ESRRG: variants seen among roughly 807,000 people sequenced by gnomAD.
ESRRG encodes estrogen related receptor gamma.
Under a neutral mutation model 44.0 loss-of-function variants are expected in ESRRG, and 13 were observed. The observed-to-expected ratio is 0.30, with a 90% CI of 0.19 to 0.47. The LOEUF (loss-of-function observed/expected upper bound fraction) is 0.47. Ranked by LOEUF, ESRRG falls within the 20% of genes least tolerant of loss-of-function variation. ESRRG has a pLI of 1.00. For missense variants in ESRRG, 395 were observed against 580.6 expected (o/e 0.68, Z 3.29); for synonymous variants, 215 against 214.6 (o/e 1.00, Z -0.02).
intron 1 of ESRRG, among the ~76,000 whole-genome samples, chr1:217,130,205 C>T (rs2092945834): frequency 6.6e-6 from 1 of 152,066 alleles, no homozygotes; most frequent in South Asian, 2.1e-4. Context: ...TGGTTTGTCA[C>T]ATTGATAGCA....
chr1:216,923,956 G>A (rs1171388252), intron 2 of ESRRG, among the ~76,000 whole-genome samples: 1 of 152,152 alleles, frequency 6.6e-6, no homozygotes, highest in Non-Finnish European at 1.5e-5. Flanking sequence ...GAGCAAAGAA[G>A]GTAGACAATG....
intron 2 of ESRRG, among the ~76,000 whole-genome samples, chr1:216,846,967 A>C (rs536920057): frequency 6.6e-6 from 1 of 152,234 alleles, no homozygotes; most frequent in African/African-American, 2.4e-5. Context: ...CTAAACTAAG[A>C]AAAGACAATT....
At chr1:216,659,876 C>A (rs755845914) in intron 2 of ESRRG, among the ~76,000 whole-genome samples, 28 of 152,152 alleles carry the variant, frequency 1.8e-4, no homozygotes, top group Non-Finnish European at 4.4e-5. Context: ...GCGTCTTACT[C>A]CTTTCAGAAT....
At position 216,677,259 on chromosome 1, in the gene ESRRG, C is replaced by G; in HGVS notation, c.289G>C (p.Val97Leu). The change falls in exon 2 of 7, where the codon GTC becomes CTC. Residue 97 changes from valine (V) to leucine (L), a missense_variant. Around this residue, in one of 5 missense-constraint regions of ESRRG, gnomAD observed 148 missense variants for 150.4 expected, o/e 0.98. Transcript: ENST00000408911. The part of the protein sequence containing the change: ...SAPILGGSGP[V>L]RKLYDDCSST... Reference sequence around the variant, plus strand: ...GAGCAGTCATCATACAGTTTCCTGACAGGCCCACTACCTCCCAGGATAGGA... The same window carrying G: ...GAGCAGTCATCATACAGTTTCCTGAGAGGCCCACTACCTCCCAGGATAGGA... The G allele has an allele frequency of 1.2e-6, 2 of 1,614,118 alleles. No individual in the cohort carries two copies. The highest frequency in any genetic ancestry group is 1.7e-6 in the Non-Finnish European group (2 of 1,180,032).
chr1:217,112,956 G>A (rs2092676486), intron 1 of ESRRG, among the ~76,000 whole-genome samples: 1 of 152,140 alleles, frequency 6.6e-6, no homozygotes, highest in African/African-American at 2.4e-5. Flanking sequence ...AGACAGATAA[G>A]GATGTATCTT....
chr1:217,096,363 A>G (rs534784612), intron 1 of ESRRG, among the ~76,000 whole-genome samples: 1 of 152,354 alleles, frequency 6.6e-6, no homozygotes, highest in African/African-American at 2.4e-5. Context: ...GTTCTCAGCT[A>G]TGTGGACCTG....
intron 2 of ESRRG, among the ~76,000 whole-genome samples, chr1:216,883,349 C>A (rs1337771881): frequency 7.6e-6 from 1 of 132,236 alleles, no homozygotes; most frequent in African/African-American, 2.8e-5. Flanking sequence ...CTAGCCATTG[C>A]ACTCCAGCCT....
chr1:216,893,811 G>C (rs929057912), intron 2 of ESRRG, among the ~76,000 whole-genome samples: 1 of 152,136 alleles, frequency 6.6e-6, no homozygotes, highest in South Asian at 2.1e-4. Flanking sequence ...TGTAAACTTT[G>C]TTTAGTGACT....
intron 5 of ESRRG, among the ~76,000 whole-genome samples, chr1:216,545,876 C>T (rs1053162694): frequency 3.9e-5 from 6 of 152,094 alleles, no homozygotes; most frequent in Middle Eastern, 6.8e-3. Context: ...ACAGAGTGCT[C>T]ATGAAAATAT....
intron 1 of ESRRG, among the ~76,000 whole-genome samples, chr1:216,947,215 C>T (rs1013977909): frequency 7.9e-5 from 12 of 152,064 alleles, no homozygotes; most frequent in Non-Finnish European, 1.6e-4. Context: ...CATCTGTCTT[C>T]TCGGTACACT....
intron 6 of ESRRG, among the ~76,000 whole-genome samples, chr1:216,516,445 A>C (rs575817203): frequency 1.1e-4 from 16 of 152,250 alleles, no homozygotes; most frequent in South Asian, 8.3e-4. Context: ...GCATAAGCAC[A>C]ACATTTATAA....
intron 2 of ESRRG, among the ~76,000 whole-genome samples, chr1:216,787,837 T>C (rs1446012678): frequency 2.0e-5 from 3 of 152,084 alleles, no homozygotes; most frequent in Non-Finnish European, 4.4e-5. Flanking sequence ...CCAGTGAACA[T>C]ATGAATAATA....
chr1:217,015,717 GA>G (rs1395554210), intron 1 of ESRRG, among the ~76,000 whole-genome samples: 2 of 147,688 alleles, frequency 1.4e-5, no homozygotes, highest in Admixed American at 6.9e-5. Flanking sequence ...TGGGGGGTGA[GA>G]GGGGGCAGCT....
chr1:216,533,282 A>G (rs2049945818), intron 5 of ESRRG, among the ~76,000 whole-genome samples: 1 of 151,144 alleles, frequency 6.6e-6, no homozygotes, highest in Admixed American at 6.6e-5. Flanking sequence ...AAAAAATAAA[A>G]GGTATATATT....
rs116768657 is a variant in ESRRG at position 216,601,471 on chromosome 1, C to G, written c.590-33373G>C. Among the ~76,000 whole-genome samples the G allele has an allele frequency of 4.1e-3, 632 of 152,300 alleles. 3 individuals carry two copies. Among genetic ancestry groups the G allele is most frequent in the African/African-American group, 0.014 (598 of 41,588 alleles). ...AGACACAAGTGCGGATAAGACTTAA[C>G]ACATTTCCTGAAGAGGATTCCTTGT... is the stretch of plus-strand genomic sequence containing the variant. On this transcript the variant is annotated intron_variant, in intron 3 of 6. Coordinates refer to ENST00000408911, the MANE Select transcript of ESRRG (RefSeq NM_001438.4).
chr1:217,072,243 C>T (rs189309813), intron 1 of ESRRG, among the ~76,000 whole-genome samples: 86 of 152,270 alleles, frequency 5.6e-4, no homozygotes, highest in African/African-American at 2.0e-3. Flanking sequence ...TCACCACCAT[C>T]GTATTATTAT....
At chr1:217,022,504 A>G (rs1416853491) in intron 1 of ESRRG, among the ~76,000 whole-genome samples, 2 of 152,190 alleles carry the variant, frequency 1.3e-5, no homozygotes, top group African/African-American at 4.8e-5. Flanking sequence ...AGACTTCCCA[A>G]ATTTACTGAT....
intron 5 of ESRRG, among the ~76,000 whole-genome samples, chr1:216,530,036 C>G (rs12239464): frequency 0.086 from 12,375 of 143,794 alleles, 1,030 homozygotes; most frequent in African/African-American, 0.23. Flanking sequence ...CGCTTGAACA[C>G]AGGAGGCAAA....
Position 216,910,652 on chromosome 1 carries a change from G to C in ESRRG, c.-14+28930C>G, listed in dbSNP as rs142888228. Among the ~76,000 whole-genome samples the C allele has an allele frequency of 4.1e-3, 631 of 152,300 alleles. 3 individuals carry two copies. The highest frequency in any genetic ancestry group is 0.015 in the African/African-American group (607 of 41,564). On this transcript the variant is annotated intron_variant, in intron 2 of 7. Transcript: ENST00000359162. ...TTTGACAGAAGGCTATTATACTCTT[G>C]ATGTCAGGAAATGGGGCCGACAATG...
Sources: gnomAD v4.1 joint callset for allele counts (sites outside exome capture counted in the v4.1 genomes callset) on GRCh38, gnomAD v4.1.1 for gene constraint, gnomAD v4.1.1 regional missense constraint, MANE v1.5 for transcripts, NCBI Gene and HGNC (gene_info 2026-07-23, HGNC 2026-07-21) for gene names.